The following CSRNP1 variants were observed in gnomAD, a reference collection of about 807,000 sequenced individuals.
The protein encoded by CSRNP1 is cysteine and serine rich nuclear protein 1, also known as cysteine/serine-rich nuclear protein 1.
A neutral mutation model predicts 25.0 loss-of-function variants in CSRNP1; 8 were observed. The observed-to-expected ratio is 0.32, with a 90% CI of 0.19 to 0.58. CSRNP1 has a LOEUF of 0.58. CSRNP1 is among the 20% of genes least tolerant of loss of function. CSRNP1 has a pLI of 0.88. For missense variants in CSRNP1, 691 were observed against 773.1 expected (o/e 0.89, Z 1.26); for synonymous variants, 305 against 303.1 (o/e 1.01, Z -0.06).
chr3:39,147,182 G>A (rs1284076533), intron 1 of CSRNP1, among the ~76,000 whole-genome samples: 1 of 151,692 alleles, frequency 6.6e-6, no homozygotes, highest in Non-Finnish European at 1.5e-5. Context: ...TCACAGGCTG[G>A]GTGATTCACA....
intron 1 of CSRNP1, among the ~76,000 whole-genome samples, chr3:39,147,243 G>C (rs1399423237): frequency 6.8e-6 from 1 of 146,816 alleles, no homozygotes; most frequent in Non-Finnish European, 1.5e-5. Flanking sequence ...GTGTATGTGT[G>C]TGTGTGTACG....
intron 1 of CSRNP1, chr3:39,150,275 C>A (rs1055244316): frequency 6.6e-6 from 1 of 152,300 alleles, no homozygotes; most frequent in Non-Finnish European, 1.5e-5. Flanking sequence ...TCTGATCAGA[C>A]TGCAAGGGCC....
At chr3:39,145,858 C>T (rs1421546225) in intron 2 of CSRNP1, among the ~76,000 whole-genome samples, 1 of 152,108 alleles carries the variant, frequency 6.6e-6, no homozygotes, top group South Asian at 2.1e-4. Context: ...CAGATATATA[C>T]CTACAGTACA....
At chr3:39,150,067 G>C (rs1034546141) in intron 1 of CSRNP1, 1 of 152,188 alleles carries the variant, frequency 6.6e-6, no homozygotes, top group African/African-American at 2.4e-5. Flanking sequence ...CTCAGACCCA[G>C]CAAGAAGGTG....
At position 39,143,578 on chromosome 3, in the gene CSRNP1, T is replaced by C. The variant is rs775143708; in HGVS notation, c.1247A>G (p.Asn416Ser). Residue 416 changes from asparagine (N) to serine (S), a missense_variant, in exon 5 of 5, where the codon AAC becomes AGC. Coordinates refer to ENST00000273153, the MANE Select transcript of CSRNP1 (RefSeq NM_033027.4). ...EEEEEEGSVGNLDNLSCFHPA... is the reference protein window; with the variant it reads ...EEEEEEGSVGSLDNLSCFHPA... Reference sequence around the variant, plus strand: ...ATGGAAGCAGCTGAGGTTGTCCAGGTTCCCCACGCTCCCTTCCTCCTCTTC... The same window carrying C: ...ATGGAAGCAGCTGAGGTTGTCCAGGCTCCCCACGCTCCCTTCCTCCTCTTC... 32 of 1,614,120 alleles carry C rather than the reference T, an allele frequency of 2.0e-5. No homozygotes were observed. In the Middle Eastern group the frequency reaches 4.9e-4, roughly 25 times the overall value.
intron 1 of CSRNP1, 36 bp from the exon 2 acceptor site, chr3:39,146,758 A>C: frequency 6.6e-7 from 1 of 1,520,194 alleles, no homozygotes; most frequent in Non-Finnish European, 8.8e-7. Context: ...AGTGGCAGGC[A>C]GGCAGCAGCA....
chr3:39,147,537 G>A (rs763097025), intron 1 of CSRNP1, among the ~76,000 whole-genome samples: 58 of 152,052 alleles, frequency 3.8e-4, no homozygotes, highest in Non-Finnish European at 7.6e-4. Flanking sequence ...CTCCAGGCCT[G>A]TGTGACCACA....
At position 39,143,421 on chromosome 3, in the gene CSRNP1, A is replaced by G. The variant is rs772486888; in HGVS notation, c.1404T>C (p.Gly468=). 263 of 1,614,028 alleles carry G rather than the reference A, an allele frequency of 1.6e-4. 1 individual carries two copies. Among genetic ancestry groups the G allele is most frequent in the Non-Finnish European group, 2.1e-4 (250 of 1,179,990 alleles). Residue 468 remains glycine (G), a synonymous_variant, in exon 5 of 5, where the codon GGT becomes GGC. Coordinates refer to ENST00000273153, the MANE Select transcript of CSRNP1 (RefSeq NM_033027.4). ...TGCCTTCCCTTGACCCTTCAAGGCC[A>G]CCATTTAGGAAGCAGCTGGCATCCA... The part of the protein sequence containing the change: ...ANLDASCFLN[G]GLEGSREGSL...
At chr3:39,145,329 C>A in intron 2 of CSRNP1, 73 bp from the exon 3 acceptor site, 3 of 1,486,442 alleles carry the variant, frequency 2.0e-6, no homozygotes, top group South Asian at 1.4e-5. Context: ...AAGATCATGC[C>A]AGACTGCCCT....
At chr3:39,144,923 G>T in intron 3 of CSRNP1, 74 bp downstream of exon 3, 1 of 1,487,744 alleles carries the variant, frequency 6.7e-7, no homozygotes, top group Non-Finnish European at 9.1e-7. Flanking sequence ...ACCCACCCCT[G>T]GTACGCCCAC....
At chr3:39,150,328 T>G (rs2039563046) in intron 1 of CSRNP1, 1 of 152,286 alleles carries the variant, frequency 6.6e-6, no homozygotes, top group African/African-American at 2.4e-5. Context: ...TCTCTCTGGC[T>G]GCCCATGTGC....
Position 39,144,347 on chromosome 3 carries a change from A to G in CSRNP1, c.570T>C (p.Gly190=). The G allele has an allele frequency of 6.2e-7, 1 of 1,612,392 alleles. No homozygotes were observed. Among genetic ancestry groups the G allele is most frequent in the East Asian group, 2.2e-5 (1 of 44,796 alleles). The change falls in exon 4 of 5, where the codon GGT becomes GGC. Residue 190 remains glycine (G), a synonymous_variant. Coordinates refer to ENST00000273153, the MANE Select transcript of CSRNP1 (RefSeq NM_033027.4). The stretch of plus-strand genomic sequence containing the variant: ...GGAAGCTCACTTCTTCCAACCGGCC[A>G]CCTGCCACAGCGACTGCCAAGTCCT... ...VEEDLAVAVA[G]GRLEEVSFLQ...
chr3:39,147,211 C>CTGTGTGTGTGTGTGTGTGTGTG (rs10679310), intron 1 of CSRNP1, among the ~76,000 whole-genome samples: 4 of 148,454 alleles, frequency 2.7e-5, no homozygotes, highest in African/African-American at 5.0e-5. Context: ...ATCTGTGTGC[C>CTGTGTGTGTGTGTGTGTGTGTG]TGTGTGTGTG....
chr3:39,149,497 A>G (rs1310717915), intron 1 of CSRNP1: 1 of 152,234 alleles, frequency 6.6e-6, no homozygotes, highest in Non-Finnish European at 1.5e-5. Context: ...CACTAACCTT[A>G]ACATGTCTCT....
Position 39,143,587 on chromosome 3 carries a change from C to T in CSRNP1, c.1238G>A (p.Ser413Asn), listed in dbSNP as rs1250572084. The change falls in exon 5 of 5, where the codon AGC becomes AAC. Residue 413 changes from serine (S) to asparagine (N), a missense_variant. Coordinates refer to ENST00000273153, the MANE Select transcript of CSRNP1 (RefSeq NM_033027.4). ...GCTGAGGTTGTCCAGGTTCCCCACG[C>T]TCCCTTCCTCCTCTTCCTCCTCCTC... is the stretch of plus-strand genomic sequence containing the variant. Reference protein sequence around the residue: ...GGEEEEEEEGSVGNLDNLSCF... With the variant: ...GGEEEEEEEGNVGNLDNLSCF... The T allele has an allele frequency of 6.2e-7, 1 of 1,614,092 alleles. No homozygotes were observed. The highest frequency in any genetic ancestry group is 1.7e-5 in the Admixed American group (1 of 60,004).
At chr3:39,146,807 C>T in intron 1 of CSRNP1, 85 bp from the exon 2 acceptor site, 1 of 1,476,500 alleles carries the variant, frequency 6.8e-7, no homozygotes, top group Non-Finnish European at 9.0e-7. Context: ...CTCCCACTTA[C>T]CCTCCAAGGC....
Position 39,143,943 on chromosome 3 carries a change from G to A in CSRNP1, c.882C>T (p.Ile294=), listed in dbSNP as rs201974047. 181 of 1,614,212 alleles carry A rather than the reference G, an allele frequency of 1.1e-4. 2 individuals carry two copies. The Admixed American group carries it at 2.9e-3, about 26-fold the overall frequency. ...FNQARVQTHF[I]HTLTRLQLEQ... ...CCAACTGCAGGCGGGTGAGTGTGTG[G>A]ATGAAATGGGTCTGAACTCTTGCCT... is the stretch of plus-strand genomic sequence containing the variant. The change falls in exon 5 of 5, where the codon ATC becomes ATT. Residue 294 remains isoleucine (I), a synonymous_variant. Coordinates refer to ENST00000273153, the MANE Select transcript of CSRNP1 (RefSeq NM_033027.4).
Position 39,143,918 on chromosome 3 carries a change from C to A in CSRNP1, c.907G>T (p.Glu303Ter). 1 of 1,614,194 alleles carries A rather than the reference C, an allele frequency of 6.2e-7. No homozygotes were observed. The highest frequency in any genetic ancestry group is 8.5e-7 in the Non-Finnish European group (1 of 1,180,020). ...FIHTLTRLQL[E>*]QEAESFRELE... ...TCCCTAAAGCTCTCAGCCTCCTGTT[C>A]CAACTGCAGGCGGGTGAGTGTGTGG... The change falls in exon 5 of 5, where the codon GAA becomes TAA. Residue 303 changes from glutamate (E) to a stop codon, truncating the protein, a stop_gained. Transcript: ENST00000273153. LOFTEE classifies it low-confidence loss of function (END_TRUNC).
At chr3:39,144,851 C>T in intron 3 of CSRNP1, 146 bp downstream of exon 3, 3 of 1,001,108 alleles carry the variant, frequency 3.0e-6, no homozygotes, top group Non-Finnish European at 4.3e-6. Context: ...CAACAGGCTC[C>T]AATCAAGCCA....
Sources: gnomAD v4.1 joint callset for allele counts (sites outside exome capture counted in the v4.1 genomes callset) on GRCh38, gnomAD v4.1.1 for gene constraint, MANE v1.5 for transcripts, NCBI Gene and HGNC (gene_info 2026-07-23, HGNC 2026-07-21) for gene names.